The following SMC2 variants were observed in gnomAD, a reference collection of about 807,000 sequenced individuals.
SMC2 encodes the protein structural maintenance of chromosomes protein 2.
Under a neutral mutation model 142.6 loss-of-function variants are expected in SMC2, and 41 were observed. The observed-to-expected ratio is 0.29, with a 90% CI of 0.22 to 0.37. SMC2 has a LOEUF of 0.37. Ranked by LOEUF, SMC2 falls within the 10% of genes least tolerant of loss-of-function variation. The probability of loss-of-function intolerance (pLI) is 1.00; values close to 1 mark genes in which losing one functional copy is unlikely to be tolerated. For synonymous variants in SMC2, 463 were observed against 457.5 expected, an observed-to-expected ratio of 1.01 and a Z score of -0.15; for missense variants, 1,265 against 1,373.7, an observed-to-expected ratio of 0.92 and a Z score of 1.25.
intron 9 of SMC2, among the ~76,000 whole-genome samples, chr9:104,110,964 T>C (rs1314866184): frequency 6.6e-6 from 1 of 152,232 alleles, no homozygotes; most frequent in Non-Finnish European, 1.5e-5. Context: ...TAGGGCCTAC[T>C]ATATAGTAAG....
chr9:104,099,003 G>A (rs879819240), intron 4 of SMC2, among the ~76,000 whole-genome samples: 55 of 152,102 alleles, frequency 3.6e-4, no homozygotes, highest in Non-Finnish European at 6.3e-4. Context: ...TCCAGCTGCC[G>A]TTTGAGAGAA....
In SMC2 at chr9:104,100,203, G is replaced by A. The variant is rs199560539; in HGVS notation, c.591G>A (p.Thr197=). The A allele has an allele frequency of 4.0e-6, 6 of 1,516,648 alleles. No individual in the cohort carries two copies. Among genetic ancestry groups the A allele is most frequent in the African/African-American group, 1.4e-5 (1 of 70,600 alleles). 93.9% of individuals were successfully genotyped at this position (1,516,648 alleles called of 1,614,324 possible). ...KKEAKLKEIK[T]ILEEEITPTI... is the part of the protein sequence containing the mutation. ...AGGCTAAGCTGAAAGAAATTAAGAC[G>A]GTAATTTAATTCATATAAAATATTT... Residue 197 remains threonine, a splice_region_variant and synonymous_variant, in exon 6 of 25, where the codon ACG becomes ACA. Transcript: ENST00000374793.
rs1431717776 is a variant in SMC2 at position 104,123,240 on chromosome 9, G to A, written c.2257+8G>A. 1 of 1,610,942 alleles carries A rather than the reference G, an allele frequency of 6.2e-7. No individual in the cohort carries two copies. The highest frequency in any genetic ancestry group is 8.5e-7 in the Non-Finnish European group (1 of 1,178,446). ...CCCTTAAAAAAACCATTGGTAAGAT[G>A]AAAACAGTCCATGCTTAATCTCTGG... On this transcript the variant is annotated splice_region_variant and intron_variant, in intron 17 of 24. Coordinates refer to ENST00000374793, the MANE Select transcript of SMC2 (RefSeq NM_006444.3).
At chr9:104,102,620 T>G (rs1831293331) in intron 9 of SMC2, 47 bp downstream of exon 9, 1 of 1,539,840 alleles carries the variant, frequency 6.5e-7, no homozygotes, top group African/African-American at 1.4e-5. Flanking sequence ...GACAAGTATA[T>G]AGTCTCATTA....
At chr9:104,115,293 G>T (rs1832961308) in intron 13 of SMC2, among the ~76,000 whole-genome samples, 1 of 151,142 alleles carries the variant, frequency 6.6e-6, no homozygotes, top group Admixed American at 6.6e-5. Flanking sequence ...TGTACAAGAA[G>T]CCTGGGTATG....
intron 13 of SMC2, among the ~76,000 whole-genome samples, chr9:104,115,221 T>TAGTC (rs1481133724): frequency 6.6e-6 from 1 of 151,900 alleles, no homozygotes; most frequent in African/African-American, 2.4e-5. Context: ...AAATGCTACG[T>TAGTC]AGTCATTGTC....
chr9:104,096,050 A>G (rs770080465), intron 2 of SMC2, 98 bp from the exon 3 acceptor site: 4 of 1,064,564 alleles, frequency 3.8e-6, no homozygotes, highest in Non-Finnish European at 5.5e-6. Context: ...AATGGACACT[A>G]CGTTGGTGGG....
At chr9:104,107,643 C>T (rs76642127) in intron 9 of SMC2, among the ~76,000 whole-genome samples, 8,599 of 152,216 alleles carry the variant, frequency 0.056, 649 homozygotes, top group African/African-American at 0.18. Context: ...GCTTCTTTTT[C>T]ATTAGTAAGT....
chr9:104,126,495 C>A, intron 18 of SMC2, 146 bp from the exon 19 acceptor site: 1 of 517,278 alleles, frequency 1.9e-6, no homozygotes, highest in Non-Finnish European at 3.2e-6. Context: ...GGGGAAGCAG[C>A]TTAACCTGTA....
chr9:104,098,352 G>A, intron 3 of SMC2, 94 bp from the exon 4 acceptor site: 1 of 1,085,880 alleles, frequency 9.2e-7, no homozygotes, highest in East Asian at 2.8e-5. Flanking sequence ...CTGCTAGTCA[G>A]ACAGAACAAA....
At chr9:104,115,483 A>G (rs1436719745) in intron 13 of SMC2, among the ~76,000 whole-genome samples, 1 of 151,758 alleles carries the variant, frequency 6.6e-6, no homozygotes, top group African/African-American at 2.4e-5. Context: ...GCTGAGGCAC[A>G]AGAATTGCTT....
intron 7 of SMC2, 106 bp downstream of exon 7, chr9:104,100,539 T>TTTAATGATACG: frequency 2.2e-5 from 16 of 720,614 alleles, no homozygotes; most frequent in Admixed American, 5.6e-5. Context: ...GTTTTTTTCC[T>TTTAATGATACG]GCGATGAGAT....
rs373770861 is a variant in SMC2, at chr9:104,104,093, A to C, written c.1020+1520A>C. 4.6e-5 allele frequency among the ~76,000 whole-genome samples: 7 copies of C among 152,194 alleles called. No homozygotes were observed. In the East Asian group the frequency reaches 1.2e-3, roughly 25 times the overall value. On this transcript the variant is annotated intron_variant, in intron 9 of 24. Transcript: ENST00000374793. ...AGATCTCTTAATGTTAGTATGCCCT[A>C]AGGCTAGCACTCTGATATCTTTTAT...
chr9:104,094,014 C>T (rs891751600), upstream of SMC2, among the ~76,000 whole-genome samples: 2 of 152,218 alleles, frequency 1.3e-5, no homozygotes, highest in African/African-American at 4.8e-5. Context: ...CTAACGCGAA[C>T]TAGAGGGACC....
chr9:104,101,164 G>T (rs1343135224), intron 7 of SMC2, among the ~76,000 whole-genome samples: 2 of 151,982 alleles, frequency 1.3e-5, no homozygotes, highest in Admixed American at 1.3e-4. Flanking sequence ...TGAACTCCTG[G>T]GCTCAAGTGA....
At chr9:104,130,600 T>C (rs187538028) in intron 21 of SMC2, among the ~76,000 whole-genome samples, 9 of 152,280 alleles carry the variant, frequency 5.9e-5, no homozygotes, top group Admixed American at 3.9e-4. Context: ...TTTTTTTAAC[T>C]GTTTTTGGCA....
intron 21 of SMC2, among the ~76,000 whole-genome samples, chr9:104,130,595 T>G (rs938643829): frequency 3.3e-5 from 5 of 152,308 alleles, no homozygotes; most frequent in African/African-American, 9.6e-5. Context: ...ATAATTTTTT[T>G]TAACTGTTTT....
intron 21 of SMC2, among the ~76,000 whole-genome samples, chr9:104,131,407 C>T (rs567085373): frequency 6.6e-6 from 1 of 152,218 alleles, no homozygotes; most frequent in South Asian, 2.1e-4. Context: ...TATCCTGATG[C>T]ATACAGGGCT....
At chr9:104,115,250 T>C (rs1276780494) in intron 13 of SMC2, among the ~76,000 whole-genome samples, 1 of 151,708 alleles carries the variant, frequency 6.6e-6, no homozygotes, top group African/African-American at 2.4e-5. Flanking sequence ...TTCCTTGTTT[T>C]TTTTTTAATT....
Sources: gnomAD v4.1 joint callset for allele counts (sites outside exome capture counted in the v4.1 genomes callset) on GRCh38, gnomAD v4.1.1 for gene constraint, MANE v1.5 for transcripts, NCBI Gene and HGNC (gene_info 2026-07-23, HGNC 2026-07-21) for gene names.